Variants in TAS2R1 observed in about 807,000 individuals in gnomAD.
The protein encoded by TAS2R1 is taste receptor type 2 member 1.
For synonymous variants in TAS2R1, 141 were observed against 134.2 expected, an observed-to-expected ratio of 1.05 and a Z score of -0.35; for missense variants, 370 against 353.4, an observed-to-expected ratio of 1.05 and a Z score of -0.38.
chr5:9,763,832 G>A, the TAS2R1 span, among the ~76,000 whole-genome samples: 1 of 152,290 alleles, frequency 6.6e-6, no homozygotes, highest in African/African-American at 2.4e-5. Flanking sequence ...CGTAAAACAG[G>A]CCATTTTCAA....
At chr5:9,830,265 ATAGT>A in the TAS2R1 span, among the ~76,000 whole-genome samples, 6 of 152,308 alleles carry the variant, frequency 3.9e-5, no homozygotes, top group Admixed American at 1.3e-4. Flanking sequence ...ATAGACATAG[ATAGT>A]TAGATATAGA....
rs1294652120 is a variant in TAS2R1, at chr5:9,629,802, CATG to C, written c.228_230del (p.Ile76del). The C allele has an allele frequency of 1.9e-6, 3 of 1,613,830 alleles. No homozygotes were observed. In the African/African-American group the frequency reaches 4.0e-5, roughly 22 times the overall value. On this transcript the variant is annotated inframe_deletion, in exon 1 of 1. Coordinates refer to ENST00000382492, the MANE Select transcript of TAS2R1 (RefSeq NM_019599.3). Reference sequence around the variant, plus strand: ...AGAGAATTGCACAATTCGCAGAACACATGATGAATTCTATGAAGAAGATAACAA... The same window carrying C: ...AGAGAATTGCACAATTCGCAGAACACATGAATTCTATGAAGAAGATAACAA...
At chr5:9,804,534 T>C in the TAS2R1 span, among the ~76,000 whole-genome samples, 1,739 of 152,276 alleles carry the variant, frequency 0.011, 25 homozygotes, top group African/African-American at 0.037. Context: ...ATCAAAATTA[T>C]ATCAAGTACT....
intron 1 of TAS2R1, among the ~76,000 whole-genome samples, chr5:9,676,816 A>C (rs891758060): frequency 1.3e-5 from 2 of 152,222 alleles, no homozygotes; most frequent in African/African-American, 4.8e-5. Flanking sequence ...TGGGAGTATA[A>C]ATTAGTTCAG....
Position 9,628,128 on chromosome 5 carries a change from T to TTATCTATC in TAS2R1, c.*997_*1004dup, listed in dbSNP as rs35524938. On this transcript the variant is annotated 3_prime_UTR_variant, in exon 1 of 1. Coordinates refer to ENST00000382492, the MANE Select transcript of TAS2R1 (RefSeq NM_019599.3). The stretch of plus-strand genomic sequence containing the variant: ...ATACAAGTATATCTATCTCCATAAT[T>TTATCTATC]TATCTATCTATCTATCTATCTATCT... Among the ~76,000 whole-genome samples, 4,806 of 146,570 alleles carry TTATCTATC rather than the reference T, an allele frequency of 0.033. 99 individuals carry two copies. The highest frequency in any genetic ancestry group is 0.035 in the Non-Finnish European group (2,352 of 66,816).
chr5:9,757,291 C>T, the TAS2R1 span, among the ~76,000 whole-genome samples: 1 of 152,230 alleles, frequency 6.6e-6, no homozygotes, highest in African/African-American at 2.4e-5. Flanking sequence ...AACTACTCTC[C>T]TTTTTCTTAC....
the TAS2R1 span, among the ~76,000 whole-genome samples, chr5:9,787,433 A>G: frequency 1.3e-5 from 2 of 152,200 alleles, no homozygotes; most frequent in African/African-American, 4.8e-5. Context: ...TTGCAAAAGT[A>G]TATTAGTAAT....
intron 2 of TAS2R1, chr5:9,645,772 A>G (rs1057403744): frequency 7.9e-5 from 12 of 152,342 alleles, no homozygotes; most frequent in East Asian, 1.9e-4. Context: ...CCACCATGAG[A>G]GAAGGACTTC....
At chr5:9,660,298 A>C (rs41498) in intron 1 of TAS2R1, among the ~76,000 whole-genome samples, 40 of 145,608 alleles carry the variant, frequency 2.7e-4, no homozygotes, top group African/African-American at 1.0e-3. Flanking sequence ...GGATGGTCTC[A>C]ATCTCCTGAC....
At chr5:9,786,741 G>A in the TAS2R1 span, among the ~76,000 whole-genome samples, 2 of 152,164 alleles carry the variant, frequency 1.3e-5, no homozygotes, top group African/African-American at 4.8e-5. Flanking sequence ...AAATTAGAAG[G>A]ACTGTTTGTG....
At chr5:9,865,348 T>C in the TAS2R1 span, among the ~76,000 whole-genome samples, 1 of 152,204 alleles carries the variant, frequency 6.6e-6, no homozygotes, top group Non-Finnish European at 1.5e-5. Flanking sequence ...TACAATGACC[T>C]TAGTACACTT....
chr5:9,780,049 A>C, the TAS2R1 span, among the ~76,000 whole-genome samples: 1 of 152,190 alleles, frequency 6.6e-6, no homozygotes, highest in Non-Finnish European at 1.5e-5. Flanking sequence ...GTTCAAAGAC[A>C]TTGTCCAGCA....
the TAS2R1 span, among the ~76,000 whole-genome samples, chr5:9,780,253 T>C: frequency 7.9e-5 from 12 of 152,358 alleles, no homozygotes; most frequent in South Asian, 2.3e-3. Flanking sequence ...TTTGCTGGAC[T>C]CTTCTTTGCT....
At chr5:9,879,012 C>G in the TAS2R1 span, among the ~76,000 whole-genome samples, 1 of 152,242 alleles carries the variant, frequency 6.6e-6, no homozygotes, top group Non-Finnish European at 1.5e-5. Flanking sequence ...TAACTTCCAG[C>G]CTCCCAGAAG....
chr5:9,850,717 T>C, the TAS2R1 span, among the ~76,000 whole-genome samples: 1 of 152,186 alleles, frequency 6.6e-6, no homozygotes, highest in Non-Finnish European at 1.5e-5. Context: ...CCCAAACAGA[T>C]GGGCACACGT....
the TAS2R1 span, among the ~76,000 whole-genome samples, chr5:9,789,868 T>C: frequency 6.6e-6 from 1 of 152,248 alleles, no homozygotes; most frequent in African/African-American, 2.4e-5. Flanking sequence ...ACAAGTATAT[T>C]GGCTGTGGTT....
intron 1 of TAS2R1, among the ~76,000 whole-genome samples, chr5:9,668,360 T>A (rs971067728): frequency 2.0e-5 from 3 of 152,076 alleles, no homozygotes; most frequent in African/African-American, 7.2e-5. Context: ...TTAATTAAAA[T>A]TTTCCCAACC....
At chr5:9,842,681 T>C in the TAS2R1 span, among the ~76,000 whole-genome samples, 1 of 152,072 alleles carries the variant, frequency 6.6e-6, no homozygotes, top group Non-Finnish European at 1.5e-5. Flanking sequence ...TGTGGCAAAG[T>C]TGCAGTTTTT....
chr5:9,900,681 C>T, the TAS2R1 span, among the ~76,000 whole-genome samples: 430 of 140,062 alleles, frequency 3.1e-3, 2 homozygotes, highest in Non-Finnish European at 5.2e-3. Context: ...AGTGCAGTGG[C>T]GTGATCTCGG....
Sources: allele counts gnomAD v4.1 joint callset (sites outside exome capture counted in the v4.1 genomes callset), GRCh38; gene constraint gnomAD v4.1.1; transcripts MANE v1.5; gene names NCBI Gene and HGNC (gene_info 2026-07-23, HGNC 2026-07-21).